CPE: variants seen among roughly 807,000 people sequenced by gnomAD.
The protein encoded by CPE is carbocypeptidase E.
In CPE, 17 loss-of-function variants were observed where a neutral mutation model predicts 53.5. The ratio of observed to expected loss-of-function variants is 0.32; its 90% CI spans 0.22 to 0.48. CPE has a LOEUF of 0.48. Among genes scored for constraint, CPE ranks in the 20% least tolerant of loss-of-function variants. The pLI, the probability that CPE is intolerant of heterozygous loss-of-function variation, is 0.99. For missense variants in CPE, 524 were observed against 614.7 expected, an observed-to-expected ratio of 0.85 and a Z score of 1.56; for synonymous variants, 226 against 228.8, an observed-to-expected ratio of 0.99 and a Z score of 0.11.
chr4:165,462,570 C>T (rs1418144835), intron 1 of CPE, among the ~76,000 whole-genome samples: 2 of 152,118 alleles, frequency 1.3e-5, no homozygotes, highest in African/African-American at 2.4e-5. Context: ...TCCTGTGCCT[C>T]AATCAAATGA....
intron 1 of CPE, among the ~76,000 whole-genome samples, chr4:165,402,252 C>T (rs1730880785): frequency 1.3e-5 from 2 of 152,152 alleles, no homozygotes; most frequent in Non-Finnish European, 1.5e-5. Context: ...TGATCATTTA[C>T]CTCTTCAGAT....
chr4:165,472,406 G>T (rs974270395), intron 3 of CPE, among the ~76,000 whole-genome samples: 1 of 150,834 alleles, frequency 6.6e-6, no homozygotes, highest in Non-Finnish European at 1.5e-5. Context: ...CACAGTCAAA[G>T]ACACAGTTGC....
chr4:165,408,412 C>A (rs1171657550), intron 1 of CPE, among the ~76,000 whole-genome samples: 4 of 123,006 alleles, frequency 3.3e-5, no homozygotes, highest in Non-Finnish European at 3.6e-5. Context: ...ATTGAAAAGA[C>A]TGTTATTAAA....
chr4:165,458,049 C>CTA (rs1330126516), intron 1 of CPE, among the ~76,000 whole-genome samples: 2 of 152,144 alleles, frequency 1.3e-5, no homozygotes, highest in Admixed American at 1.3e-4. Context: ...GATTTACAGT[C>CTA]TATAATAGGT....
intron 6 of CPE, among the ~76,000 whole-genome samples, chr4:165,492,332 T>C (rs1046018043): frequency 6.6e-6 from 1 of 152,228 alleles, no homozygotes; most frequent in Admixed American, 6.5e-5. Context: ...AACAGGCTTT[T>C]ATTATGATAT....
chr4:165,479,190 A>C, intron 3 of CPE, among the ~76,000 whole-genome samples: 1 of 152,230 alleles, frequency 6.6e-6, no homozygotes, highest in East Asian at 1.9e-4. Context: ...TTGGATATAA[A>C]AAACATAAAT....
chr4:165,419,979 T>C (rs981092428), intron 1 of CPE, among the ~76,000 whole-genome samples: 2 of 152,198 alleles, frequency 1.3e-5, no homozygotes, highest in Non-Finnish European at 2.9e-5. Context: ...TTTTCAAATA[T>C]GAAAATAAAA....
chr4:165,468,985 G>T (rs376702819), intron 3 of CPE, among the ~76,000 whole-genome samples: 5 of 152,168 alleles, frequency 3.3e-5, no homozygotes, highest in Non-Finnish European at 7.3e-5. Flanking sequence ...TGTGCTTCAG[G>T]TTCTTCATCT....
At chr4:165,441,958 G>T (rs1731617974) in intron 1 of CPE, among the ~76,000 whole-genome samples, 1 of 150,544 alleles carries the variant, frequency 6.6e-6, no homozygotes, top group South Asian at 2.1e-4. Flanking sequence ...TAACTTTTTG[G>T]GTTTGTCAAA....
intron 1 of CPE, among the ~76,000 whole-genome samples, chr4:165,426,423 A>G (rs1033804537): frequency 2.0e-5 from 3 of 152,192 alleles, no homozygotes; most frequent in African/African-American, 4.8e-5. Context: ...TTTCCTTGCT[A>G]TTTAATACTT....
intron 1 of CPE, among the ~76,000 whole-genome samples, chr4:165,462,336 A>G (rs981748506): frequency 4.6e-5 from 7 of 152,200 alleles, no homozygotes; most frequent in Non-Finnish European, 8.8e-5. Context: ...TCTTTAATTG[A>G]TTAAAAAAAG....
At chr4:165,473,535 T>C (rs1296244255) in intron 3 of CPE, among the ~76,000 whole-genome samples, 2 of 152,244 alleles carry the variant, frequency 1.3e-5, no homozygotes, top group Non-Finnish European at 2.9e-5. Flanking sequence ...TGAATAAATG[T>C]GGGCTATTTC....
intron 1 of CPE, among the ~76,000 whole-genome samples, chr4:165,400,555 G>A (rs1055571032): frequency 2.6e-5 from 4 of 152,122 alleles, no homozygotes; most frequent in African/African-American, 9.7e-5. Context: ...AGCACTGGTT[G>A]GAAGTCGCTG....
At chr4:165,383,731 A>G (rs972187423) in intron 1 of CPE, among the ~76,000 whole-genome samples, 3 of 152,244 alleles carry the variant, frequency 2.0e-5, no homozygotes, top group Non-Finnish European at 4.4e-5. Flanking sequence ...CTTGAAAAAA[A>G]TAAGTGGGGA....
At chr4:165,413,325 T>G (rs781708304) in intron 1 of CPE, among the ~76,000 whole-genome samples, 2 of 152,174 alleles carry the variant, frequency 1.3e-5, no homozygotes, top group African/African-American at 4.8e-5. Flanking sequence ...AAGTGAAGAA[T>G]TGGGGGATAG....
At chr4:165,452,747 T>G (rs1472915975) in intron 1 of CPE, among the ~76,000 whole-genome samples, 4 of 152,158 alleles carry the variant, frequency 2.6e-5, no homozygotes, top group African/African-American at 4.8e-5. Flanking sequence ...CTGGCATCAT[T>G]GCATCCCTCC....
intron 1 of CPE, among the ~76,000 whole-genome samples, chr4:165,442,458 G>A (rs1285680709): frequency 6.6e-6 from 1 of 152,060 alleles, no homozygotes; most frequent in Non-Finnish European, 1.5e-5. Flanking sequence ...CTTGAGATGG[G>A]AATAAACTCA....
chr4:165,449,746 T>C (rs2126691112), intron 1 of CPE, among the ~76,000 whole-genome samples: 1 of 148,784 alleles, frequency 6.7e-6, no homozygotes, highest in South Asian at 2.1e-4. Context: ...AGAGAAATTC[T>C]TTTTTTTTTC....
intron 1 of CPE, among the ~76,000 whole-genome samples, chr4:165,413,940 A>G (rs1319102001): frequency 6.6e-6 from 1 of 152,254 alleles, no homozygotes; most frequent in East Asian, 1.9e-4. Context: ...TCTAAGTTAA[A>G]TTATTAATAG....
Sources: allele counts gnomAD v4.1 joint callset (sites outside exome capture counted in the v4.1 genomes callset), GRCh38; gene constraint gnomAD v4.1.1; transcripts MANE v1.5; gene names NCBI Gene and HGNC (gene_info 2026-07-23, HGNC 2026-07-21).